Variants in SUPT6H observed in about 807,000 individuals in gnomAD.
SUPT6H encodes SPT6 homolog, histone chaperone and transcription elongation factor.
A neutral mutation model predicts 222.3 loss-of-function variants in SUPT6H; 11 were observed. The observed-to-expected ratio is 0.05, with a 90% CI of 0.03 to 0.08. SUPT6H has a LOEUF of 0.08. Among genes scored for constraint, SUPT6H ranks in the 10% least tolerant of loss-of-function variants. The pLI, the probability that SUPT6H is intolerant of heterozygous loss-of-function variation, is 1.00. For synonymous variants in SUPT6H, 762 were observed against 801.2 expected, an observed-to-expected ratio of 0.95 and a Z score of 0.83; for missense variants, 1,422 against 2,216.0, an observed-to-expected ratio of 0.64 and a Z score of 7.19.
In SUPT6H at chr17:28,663,736, C is replaced by T. The variant is rs182149331; in HGVS notation, c.-32+1394C>T. Among the ~76,000 whole-genome samples the T allele has an allele frequency of 1.3e-3, 197 of 151,354 alleles. 1 individual carries two copies. The highest frequency in any genetic ancestry group is 2.1e-3 in the Non-Finnish European group (142 of 67,918). On this transcript the variant is annotated intron_variant, in intron 1 of 36. Transcript: ENST00000314616. The stretch of plus-strand genomic sequence containing the variant: ...TTACCATGCCAATTTTTTAAATTTC[C>T]ATTCATAGATTTCTACCTGTACCAA...
intron 32 of SUPT6H, 51 bp downstream of exon 32, chr17:28,698,081 A>G: frequency 2.5e-6 from 4 of 1,582,790 alleles, no homozygotes; most frequent in Non-Finnish European, 3.4e-6. Context: ...TAGGCAGGCT[A>G]GAAGGCAGGG....
intron 36 of SUPT6H, 60 bp downstream of exon 36, chr17:28,701,188 GC>G (rs1163950933): frequency 1.3e-6 from 2 of 1,540,882 alleles, no homozygotes; most frequent in African/African-American, 2.7e-5. Flanking sequence ...TTGTCAAGAG[GC>G]CGAAAGGCTT....
rs2031233569 is a variant in SUPT6H at position 28,683,631 on chromosome 17, G to A, written c.2044G>A (p.Asp682Asn). 5 of 1,613,638 alleles carry A rather than the reference G, an allele frequency of 3.1e-6. No homozygotes were observed. The East Asian group carries it at 6.7e-5, about 22-fold the overall frequency. The change falls in exon 17 of 37, where the codon GAC (aspartate) becomes AAC (asparagine). Residue 682 changes from aspartate (D) to asparagine (N), a missense_variant. By Grantham distance (23) the Asp-to-Asn change is conservative. This residue lies in a region of SUPT6H where 121 missense variants were observed against 158.0 expected (regional missense o/e 0.77). Transcript: ENST00000314616. The stretch of plus-strand genomic sequence containing the variant: ...TGTGTCTCTTCTCAGCTATGGCAAC[G>A]ACCAGACATATTTTGAGGAGATAAA... ...DLKGVEGYGN[D>N]QTYFEEIKQF...
chr17:28,664,912 A>C (rs1385802046), intron 1 of SUPT6H, among the ~76,000 whole-genome samples: 1 of 152,114 alleles, frequency 6.6e-6, no homozygotes, highest in Non-Finnish European at 1.5e-5. Flanking sequence ...CACTTGCAGA[A>C]TGTTTTTGTA....
rs1203106950 is a variant in SUPT6H at position 28,699,856 on chromosome 17, T to C, written c.4524T>C (p.Phe1508=). The change falls in exon 33 of 37, where the codon TTT becomes TTC. Residue 1508 remains phenylalanine, a synonymous_variant. Coordinates refer to ENST00000314616, the MANE Select transcript of SUPT6H (RefSeq NM_003170.5). ...TCTTCCCAACCGTGAATGGACTGTT[T>C]AGATGGTTTAAGGATCACTACCAGG... is the stretch of plus-strand genomic sequence containing the variant. ...GQIFPTVNGL[F]RWFKDHYQDP... is the part of the protein sequence containing the mutation. 4 of 1,614,080 alleles carry C rather than the reference T, an allele frequency of 2.5e-6. No individual in the cohort carries two copies. The highest frequency in any genetic ancestry group is 2.2e-5 in the East Asian group (1 of 44,896).
At chr17:28,671,283 A>G (rs1421420580) in intron 1 of SUPT6H, 1 of 152,248 alleles carries the variant, frequency 6.6e-6, no homozygotes, top group African/African-American at 2.4e-5. Flanking sequence ...GTTAGCAGCT[A>G]ATTTGTTGCT....
Position 28,683,084 on chromosome 17 carries a change from G to C in SUPT6H, c.1870G>C (p.Gly624Arg). Residue 624 changes from glycine (G) to arginine (R), a missense_variant, in exon 15 of 37, where the codon GGT (glycine) becomes CGT (arginine). By Grantham distance (125) the Gly-to-Arg change is moderately radical. Coordinates refer to ENST00000314616, the MANE Select transcript of SUPT6H (RefSeq NM_003170.5). Reference protein sequence around the residue: ...AKLNITPTKKGRKDVDEAHYA... With the variant: ...AKLNITPTKKRRKDVDEAHYA... ...GTTAAATATAACCCCCACCAAGAAA[G>C]GTAGAAAGGTGAGCTGGGTGAAGGG... 6.3e-7 allele frequency: 1 copy of C among 1,598,566 alleles called. No homozygotes were observed. The highest frequency in any genetic ancestry group is 8.5e-7 in the Non-Finnish European group (1 of 1,174,622).
chr17:28,690,777 A>C (rs1344879754), intron 26 of SUPT6H, 144 bp from the exon 27 acceptor site: 10 of 957,104 alleles, frequency 1.0e-5, no homozygotes, highest in Non-Finnish European at 1.5e-5. Context: ...TCATCTCAAA[A>C]ATAAATAAAT....
Position 28,700,202 on chromosome 17 carries a change from C to A in SUPT6H, c.4591C>A (p.Arg1531=). Residue 1531 remains arginine, a synonymous_variant, in exon 34 of 37, where the codon CGG becomes AGG. Coordinates refer to ENST00000314616, the MANE Select transcript of SUPT6H (RefSeq NM_003170.5). ...CACCCCTAGCAGCAGCAGCAGGACC[C>A]GGACACCTGCCTCTATCAATGCTAC... ...GITPSSSSRT[R]TPASINATPA... is the part of the protein sequence containing the mutation. The A allele has an allele frequency of 6.2e-7, 1 of 1,614,188 alleles. No individual in the cohort carries two copies. Among genetic ancestry groups the A allele is most frequent in the Non-Finnish European group, 8.5e-7 (1 of 1,180,034 alleles).
intron 21 of SUPT6H, 90 bp from the exon 22 acceptor site, chr17:28,686,998 A>G (rs530753562): frequency 1.9e-6 from 3 of 1,541,142 alleles, no homozygotes; most frequent in African/African-American, 1.4e-5. Context: ...AGAAGCAGAG[A>G]AAATGATTTA....
rs1276905598 is a variant in SUPT6H at position 28,681,295 on chromosome 17, C to T, written c.1389C>T (p.Val463=). Residue 463 remains valine, a synonymous_variant, in exon 12 of 37, where the codon GTC becomes GTT. Coordinates refer to ENST00000314616, the MANE Select transcript of SUPT6H (RefSeq NM_003170.5). ...DVQSMDELKD[V]YNHFLLYYGR... is the part of the protein sequence containing the mutation. Reference sequence around the variant, plus strand: ...AATCAATGGATGAGCTGAAAGATGTCTACAACCATTTTCTTCTTTATTATG... The same window carrying T: ...AATCAATGGATGAGCTGAAAGATGTTTACAACCATTTTCTTCTTTATTATG... The T allele has an allele frequency of 6.8e-6, 11 of 1,613,922 alleles. No individual in the cohort carries two copies. Among genetic ancestry groups the T allele is most frequent in the Non-Finnish European group, 8.5e-6 (10 of 1,180,012 alleles).
chr17:28,669,891 G>A (rs552359979), intron 1 of SUPT6H, among the ~76,000 whole-genome samples: 17 of 152,374 alleles, frequency 1.1e-4, no homozygotes, highest in South Asian at 8.3e-4. Flanking sequence ...AGCCAGGATC[G>A]TGCCATTGCA....
intron 7 of SUPT6H, among the ~76,000 whole-genome samples, chr17:28,676,956 C>T (rs751992340): frequency 1.3e-5 from 2 of 151,862 alleles, no homozygotes; most frequent in African/African-American, 4.8e-5. Flanking sequence ...TGGCCAGGCA[C>T]GGTGGTTCAC....
At chr17:28,700,586 G>A in intron 35 of SUPT6H, 74 bp downstream of exon 35, 2 of 1,542,616 alleles carry the variant, frequency 1.3e-6, no homozygotes, top group Non-Finnish European at 8.8e-7. Flanking sequence ...GCCCACAAGG[G>A]GCTTCACATG....
rs185818436 is a variant in SUPT6H, at chr17:28,696,564, G to A, written c.3971-280G>A. Among the ~76,000 whole-genome samples the A allele has an allele frequency of 3.2e-3, 478 of 148,626 alleles. 1 individual carries two copies. Among genetic ancestry groups the A allele is most frequent in the Admixed American group, 6.1e-3 (90 of 14,814 alleles). ...AATTGCGCCACTGCACTACAACGTG[G>A]GTGACAAAATGAGACTGTCTCAAAA... On this transcript the variant is annotated intron_variant, in intron 29 of 36. Transcript: ENST00000314616.
chr17:28,677,617 G>T, intron 7 of SUPT6H, 98 bp from the exon 8 acceptor site: 1 of 814,120 alleles, frequency 1.2e-6, no homozygotes, highest in Non-Finnish European at 2.1e-6. Flanking sequence ...CTGGAAATGT[G>T]CACTTGATGA....
At chr17:28,667,388 A>G (rs2030095664) in intron 1 of SUPT6H, among the ~76,000 whole-genome samples, 1 of 98,222 alleles carries the variant, frequency 1.0e-5, no homozygotes, top group Non-Finnish European at 2.1e-5. Context: ...AAAAAAAAAA[A>G]AAAAAAGTGT....
Position 28,690,241 on chromosome 17 carries a change from G to A in SUPT6H, c.3490+12G>A. Reference sequence around the variant, plus strand: ...GACCTTCTACATTGGTAAATTCTGGGGTCATTTTTTTATTGGGGGCAGGAG... The same window carrying A: ...GACCTTCTACATTGGTAAATTCTGGAGTCATTTTTTTATTGGGGGCAGGAG... On this transcript the variant is annotated intron_variant, in intron 26 of 36. Coordinates refer to ENST00000314616, the MANE Select transcript of SUPT6H (RefSeq NM_003170.5). The A allele has an allele frequency of 6.2e-7, 1 of 1,612,846 alleles. No individual in the cohort carries two copies. Among genetic ancestry groups the A allele is most frequent in the South Asian group, 1.1e-5 (1 of 91,000 alleles).
chr17:28,662,780 A>G (rs1364756693), intron 1 of SUPT6H, among the ~76,000 whole-genome samples: 1 of 152,300 alleles, frequency 6.6e-6, no homozygotes, highest in Middle Eastern at 3.4e-3. Context: ...CCAGCTCTTT[A>G]CATATTGCTG....
Sources: gnomAD v4.1 joint callset for allele counts (sites outside exome capture counted in the v4.1 genomes callset) on GRCh38, gnomAD v4.1.1 for gene constraint, gnomAD v4.1.1 regional missense constraint, MANE v1.5 for transcripts, NCBI Gene and HGNC (gene_info 2026-07-23, HGNC 2026-07-21) for gene names.